Variants in INHBA observed in about 807,000 individuals in gnomAD.
INHBA encodes inhibin subunit beta A, also known as inhibin beta A chain.
In INHBA, 1 loss-of-function variant was observed where a neutral mutation model predicts 29.0. That is an observed-to-expected ratio of 0.03 (90% CI 0.01 to 0.16). The LOEUF (loss-of-function observed/expected upper bound fraction) is 0.16, where lower values mean the gene tolerates loss of function less well. Among genes scored for constraint, INHBA ranks in the 10% least tolerant of loss-of-function variants. The pLI, the probability that INHBA is intolerant of heterozygous loss-of-function variation, is 1.00. For synonymous variants in INHBA, 242 were observed against 216.8 expected (o/e 1.12, Z -1.02); for missense variants, 376 against 545.4 (o/e 0.69, Z 3.09).
Position 41,700,473 on chromosome 7 carries a change from T to TTA in INHBA, c.-100_-99insTA, listed in dbSNP as rs1794756655. ...TTTGTGTGTGTGGATTTTTTTATTTTTTTTTTTGGTGTTTTTTTTTTCCTT... is the reference window on the plus strand; with the variant it reads ...TTTGTGTGTGTGGATTTTTTTATTTTTATTTTTTTGGTGTTTTTTTTTTCCTT... On this transcript the variant is annotated 5_prime_UTR_variant, in exon 2 of 3. Coordinates refer to ENST00000242208, the MANE Select transcript of INHBA (RefSeq NM_002192.4). 3 of 1,210,442 alleles carry TTA rather than the reference T, an allele frequency of 2.5e-6. No individual in the cohort carries two copies. Among genetic ancestry groups the TTA allele is most frequent in the African/African-American group, 1.5e-5 (1 of 65,284 alleles). The allele number at this position is 1,210,442 out of a possible 1,614,324, so 75.0% of individuals were successfully genotyped here.
In INHBA at chr7:41,689,513, GTTTTTTTTTGT is replaced by G. The variant is rs1272161702; in HGVS notation, c.*126_*136del. 7 of 712,878 alleles carry G rather than the reference GTTTTTTTTTGT, an allele frequency of 9.8e-6. No individual in the cohort carries two copies. The highest frequency in any genetic ancestry group is 8.0e-5 in the Admixed American group (2 of 24,854). 44.2% of individuals were successfully genotyped at this position (712,878 alleles called of 1,614,324 possible). A position where few individuals can be genotyped will look rare whatever the true frequency, so the allele number is the denominator to read the frequency against. On this transcript the variant is annotated 3_prime_UTR_variant, in exon 3 of 3. Transcript: ENST00000242208. Reference sequence around the variant, plus strand: ...CAGGTTTTGTTTTTAATTTACTTTTGTTTTTTTTTGTTTTTTTTTTTGTTTTGTTTTTAATT... The same window carrying G: ...CAGGTTTTGTTTTTAATTTACTTTTGTTTTTTTTTTGTTTTGTTTTTAATT...
chr7:41,696,319 C>T (rs1039886273), intron 2 of INHBA, among the ~76,000 whole-genome samples: 3 of 152,200 alleles, frequency 2.0e-5, no homozygotes, highest in African/African-American at 4.8e-5. Flanking sequence ...AGTCACATTT[C>T]TCCCTGCTCC....
rs139371691 is a variant in INHBA at position 41,690,515 on chromosome 7, T to G, written c.416A>C (p.Glu139Ala). The G allele has an allele frequency of 4.4e-6, 7 of 1,608,806 alleles. No homozygotes were observed. In the African/African-American group the frequency reaches 8.0e-5, roughly 18 times the overall value. ...CAGGTCACTGCCTTCCTTGGAAATC[T>G]CGAAGTGCAGCGTCTTCCTGGCTGT... is the stretch of plus-strand genomic sequence containing the variant. ...SGTARKTLHF[E>A]ISKEGSDLSV... Residue 139 changes from glutamate (E) to alanine (A), a missense_variant, in exon 3 of 3, where the codon GAG becomes GCG. Around this residue, in one of 4 missense-constraint regions of INHBA, gnomAD observed 253 missense variants for 313.4 expected, o/e 0.81. Coordinates refer to ENST00000242208, the MANE Select transcript of INHBA (RefSeq NM_002192.4).
At chr7:41,699,666 G>A (rs1021381468) in intron 2 of INHBA, among the ~76,000 whole-genome samples, 19 of 152,026 alleles carry the variant, frequency 1.2e-4, no homozygotes, top group African/African-American at 4.6e-4. Flanking sequence ...TCACAGGCAG[G>A]GCAAGGCAGC....
intron 2 of INHBA, among the ~76,000 whole-genome samples, chr7:41,694,541 G>C (rs557361083): frequency 6.6e-6 from 1 of 152,342 alleles, no homozygotes. Context: ...GCATTAGTTT[G>C]TACAGGTGCG....
intron 1 of INHBA, among the ~76,000 whole-genome samples, chr7:41,702,694 AT>A (rs1794822827): frequency 6.6e-6 from 1 of 152,228 alleles, no homozygotes; most frequent in South Asian, 2.1e-4. Flanking sequence ...AGTGCAACTT[AT>A]CAATATTTGG....
chr7:41,703,433 T>C (rs1794840461), upstream of INHBA, among the ~76,000 whole-genome samples: 1 of 152,216 alleles, frequency 6.6e-6, no homozygotes, highest in African/African-American at 2.4e-5. Context: ...CAGTTTTATG[T>C]CTTTACATAA....
chr7:41,695,392 A>G (rs1220704690), intron 2 of INHBA, among the ~76,000 whole-genome samples: 2 of 152,218 alleles, frequency 1.3e-5, no homozygotes, highest in Non-Finnish European at 2.9e-5. Context: ...AGTCAATGGT[A>G]AGGGTATACA....
chr7:41,693,256 T>A (rs11770488), intron 2 of INHBA, among the ~76,000 whole-genome samples: 16,905 of 152,026 alleles, frequency 0.11, 1,385 homozygotes, highest in Non-Finnish European at 0.17. Context: ...GCTTAATAGG[T>A]TTGGGGTAAC....
upstream of INHBA, among the ~76,000 whole-genome samples, chr7:41,704,354 G>GA (rs1409328053): frequency 6.6e-6 from 1 of 151,822 alleles, no homozygotes; most frequent in Non-Finnish European, 1.5e-5. Flanking sequence ...AATGAAGTAG[G>GA]AAAAAAATCA....
Position 41,688,964 on chromosome 7 carries a change from C to T in INHBA, c.*686G>A. 1 of 232,396 alleles carries T rather than the reference C, an allele frequency of 4.3e-6. No homozygotes were observed. Among genetic ancestry groups the T allele is most frequent in the East Asian group, 6.1e-5 (1 of 16,492 alleles). 14.4% of individuals were successfully genotyped at this position (232,396 alleles called of 1,614,324 possible). ...ATTCTTTTTTCCTTGATCTTTCATT[C>T]TTTCCATACTTGTTCTCAATTTTTT... On this transcript the variant is annotated 3_prime_UTR_variant, in exon 3 of 3. Coordinates refer to ENST00000242208, the MANE Select transcript of INHBA (RefSeq NM_002192.4).
chr7:41,690,142 T>TTTC lies in INHBA; in HGVS notation c.786_788dup (p.Lys263dup), dbSNP rs762540042. 46 of 1,613,042 alleles carry TTTC rather than the reference T, an allele frequency of 2.9e-5. No homozygotes were observed. Among genetic ancestry groups the TTTC allele is most frequent in the Non-Finnish European group, 3.7e-5 (44 of 1,179,792 alleles). On this transcript the variant is annotated inframe_insertion, in exon 3 of 3. Transcript: ENST00000242208. ...TCTTTTTCCCTTCCCCCTCCTCTTC[T>TTTC]TTCTTCTTCTTCTTGCCCAGGAGAA...
At position 41,688,287 on chromosome 7, in the gene INHBA, A is replaced by T. The variant is rs1187475361; in HGVS notation, c.*1363T>A. 2 of 152,178 alleles carry T rather than the reference A, an allele frequency of 1.3e-5. No homozygotes were observed. Among genetic ancestry groups the T allele is most frequent in the African/African-American group, 4.8e-5 (2 of 41,448 alleles). The allele number at this position is 152,178 out of a possible 1,614,324, so 9.4% of individuals were successfully genotyped here. A position where few individuals can be genotyped will look rare whatever the true frequency, so the allele number is the denominator to read the frequency against. On this transcript the variant is annotated 3_prime_UTR_variant, in exon 3 of 3. Transcript: ENST00000242208. ...ACAAGCATGTAGTTCCATGAATTTG[A>T]TTGAACTTGATATCCAACAGTGTAC... is the stretch of plus-strand genomic sequence containing the variant.
intron 2 of INHBA, among the ~76,000 whole-genome samples, chr7:41,692,785 G>A (rs1311321907): frequency 3.3e-5 from 5 of 152,232 alleles, no homozygotes; most frequent in Non-Finnish European, 4.4e-5. Context: ...ATCTGAATTC[G>A]ATATTCCCCT....
intron 2 of INHBA, chr7:41,692,679 G>T (rs140327593): frequency 6.6e-6 from 1 of 152,248 alleles, no homozygotes; most frequent in Non-Finnish European, 1.5e-5. Context: ...GAATAATAAA[G>T]CTGGGTTTAT....
chr7:41,692,365 G>A (rs921905562), intron 2 of INHBA: 9 of 152,250 alleles, frequency 5.9e-5, no homozygotes, highest in Middle Eastern at 3.4e-3. Flanking sequence ...CTTATCACTC[G>A]AGGCCCTGAG....
At chr7:41,692,955 C>A (rs1343369412) in intron 2 of INHBA, among the ~76,000 whole-genome samples, 1 of 152,138 alleles carries the variant, frequency 6.6e-6, no homozygotes, top group Non-Finnish European at 1.5e-5. Flanking sequence ...TAGGAGAAGG[C>A]CGAGGGAAAC....
upstream of INHBA, chr7:41,705,221 C>G (rs1196950718): frequency 6.5e-6 from 1 of 153,248 alleles, no homozygotes; most frequent in East Asian, 1.9e-4. Flanking sequence ...ACTTCCCCCT[C>G]CCCCGGAGCT....
rs1054693382 is a variant in INHBA, at chr7:41,685,866, C to T, written c.*3784G>A. 1 of 152,070 alleles carries T rather than the reference C, an allele frequency of 6.6e-6. No homozygotes were observed. Among genetic ancestry groups the T allele is most frequent in the African/African-American group, 2.4e-5 (1 of 41,426 alleles). The allele number at this position is 152,070 out of a possible 1,614,324, so 9.4% of individuals were successfully genotyped here. On this transcript the variant is annotated 3_prime_UTR_variant, in exon 3 of 3. Coordinates refer to ENST00000242208, the MANE Select transcript of INHBA (RefSeq NM_002192.4). Reference sequence around the variant, plus strand: ...AATGTCCACCCCCAAACCTTCTGCCCACATCTACAAGTTTTATTTATTTTG... The same window carrying T: ...AATGTCCACCCCCAAACCTTCTGCCTACATCTACAAGTTTTATTTATTTTG...
Sources: gnomAD v4.1 joint callset for allele counts (sites outside exome capture counted in the v4.1 genomes callset) on GRCh38, gnomAD v4.1.1 for gene constraint, gnomAD v4.1.1 regional missense constraint, MANE v1.5 for transcripts, NCBI Gene and HGNC (gene_info 2026-07-23, HGNC 2026-07-21) for gene names.